The following MTERF1 variants were observed in gnomAD, a reference collection of about 807,000 sequenced individuals.
MTERF1 encodes the protein transcription termination factor 1, mitochondrial.
Under a neutral mutation model 31.6 loss-of-function variants are expected in MTERF1, and 29 were observed. The observed-to-expected ratio is 0.92, with a 90% CI of 0.68 to 1.25. The LOEUF is 1.25. MTERF1 is among the 50% of genes most tolerant of loss of function. The pLI, the probability that MTERF1 is intolerant of heterozygous loss-of-function variation, is 0.00. For missense variants in MTERF1, 500 were observed against 469.1 expected (o/e 1.07, Z -0.61); for synonymous variants, 152 against 164.1 (o/e 0.93, Z 0.57).
rs530927148 is a variant in MTERF1 at position 91,874,015 on chromosome 7, C to G, written c.779G>C (p.Arg260Pro). ...KRVKANIEFL[R>P]STFNLNSEEL... Reference sequence around the variant, plus strand: ...CTCACTGTTCAAATTGAAAGTTGACCGTAAGAATTCAATGTTAGCTTTCAC... The same window carrying G: ...CTCACTGTTCAAATTGAAAGTTGACGGTAAGAATTCAATGTTAGCTTTCAC... Residue 260 changes from arginine to proline, a missense_variant, in exon 3 of 3, where the codon CGG (arginine) becomes CCG (proline). By Grantham distance (103) the Arg-to-Pro change is moderately radical. Transcript: ENST00000351870. 1.2e-5 allele frequency: 20 copies of G among 1,613,838 alleles called. No individual in the cohort carries two copies. In the Admixed American group the frequency reaches 3.3e-4, roughly 27 times the overall value.
chr7:91,872,616 T>C lies in MTERF1; in HGVS notation c.*978A>G, dbSNP rs1362649789. The C allele has an allele frequency of 1.3e-5, 2 of 152,338 alleles. No individual in the cohort carries two copies. Among genetic ancestry groups the C allele is most frequent in the African/African-American group, 4.8e-5 (2 of 41,594 alleles). 9.4% of individuals were successfully genotyped at this position (152,338 alleles called of 1,614,324 possible). On this transcript the variant is annotated 3_prime_UTR_variant, in exon 3 of 3. Coordinates refer to ENST00000351870, the MANE Select transcript of MTERF1 (RefSeq NM_006980.5). ...GGAATAAGGTTTTTTGAAGTATCAC[T>C]GATAGCAAATGAGGTTTAAAAGGTT...
rs145815151 is a variant in MTERF1, at chr7:91,874,240, G to A, written c.554C>T (p.Ser185Leu). ...NLENNIKFLY[S>L]VGLTRKCLCR... ...AAGGCATTTACGGGTCAATCCAACTGAGTAGAGGAACTTTATATTATTCTC... is the reference window on the plus strand; with the variant it reads ...AAGGCATTTACGGGTCAATCCAACTAAGTAGAGGAACTTTATATTATTCTC... Residue 185 changes from serine (S) to leucine (L), a missense_variant, in exon 3 of 3, where the codon TCA becomes TTA. Ser to Leu is a moderately radical substitution (Grantham distance 145). Transcript: ENST00000351870. The A allele has an allele frequency of 6.8e-4, 1,098 of 1,613,970 alleles. 1 individual carries two copies. Among genetic ancestry groups the A allele is most frequent in the Non-Finnish European group, 8.8e-4 (1,038 of 1,180,034 alleles).
rs1276716995 is a variant in MTERF1 at position 91,871,090 on chromosome 7, T to C, written c.*2504A>G. 6.6e-6 allele frequency: 1 copy of C among 152,116 alleles called. No individual in the cohort carries two copies. The highest frequency in any genetic ancestry group is 1.5e-5 in the Non-Finnish European group (1 of 68,022). 9.4% of individuals were successfully genotyped at this position (152,116 alleles called of 1,614,324 possible). A position where few individuals can be genotyped will look rare whatever the true frequency, so the allele number is the denominator to read the frequency against. The stretch of plus-strand genomic sequence containing the variant: ...CATGGCTGGCCAATATTTCTATAAT[T>C]CTATCTTTAAAAAAAAAGAATTGAC... On this transcript the variant is annotated 3_prime_UTR_variant, in exon 3 of 3. Coordinates refer to ENST00000351870, the MANE Select transcript of MTERF1 (RefSeq NM_006980.5).
rs1053606760 is a variant in MTERF1, at chr7:91,872,189, G to A, written c.*1405C>T. On this transcript the variant is annotated 3_prime_UTR_variant, in exon 3 of 3. Transcript: ENST00000351870. ...ATTATAAGCAATGGAAGATAAAGTT[G>A]CACAACTCTATATATAAATTGAACT... is the stretch of plus-strand genomic sequence containing the variant. The A allele has an allele frequency of 1.3e-4, 20 of 152,132 alleles. No homozygotes were observed. The highest frequency in any genetic ancestry group is 5.9e-5 in the Non-Finnish European group (4 of 68,028). 9.4% of individuals were successfully genotyped at this position (152,132 alleles called of 1,614,324 possible). A position where few individuals can be genotyped will look rare whatever the true frequency, so the allele number is the denominator to read the frequency against.
chr7:91,874,743 G>C lies in MTERF1; in HGVS notation c.51C>G (p.Tyr17Ter). ...GQTSISKGLN[Y>*]LTIMAPGNLW... ...GGTTTCCTGGTGCCATAATGGTTAG[G>C]TAGTTCAAACCTTTTGAAATGCTGT... Residue 17 changes from tyrosine to a stop codon, truncating the protein, a stop_gained, in exon 3 of 3, where the codon TAC becomes TAG. Coordinates refer to ENST00000351870, the MANE Select transcript of MTERF1 (RefSeq NM_006980.5). LOFTEE classifies it high-confidence loss of function. The C allele has an allele frequency of 1.9e-6, 3 of 1,608,612 alleles. No homozygotes were observed. Among genetic ancestry groups the C allele is most frequent in the Non-Finnish European group, 2.5e-6 (3 of 1,177,764 alleles).
chr7:91,875,926 T>C (rs775501235), intron 2 of MTERF1, among the ~76,000 whole-genome samples: 3 of 152,192 alleles, frequency 2.0e-5, no homozygotes, highest in Non-Finnish European at 2.9e-5. Flanking sequence ...TGATATTAAA[T>C]CCACATGGCC....
rs530570909 is a variant in MTERF1, at chr7:91,874,130, C to G, written c.664G>C (p.Gly222Arg). Reference sequence around the variant, plus strand: ...GGATCATTGTGACCCAATGACAAACCGGCTGCCTGCAAAAATTCAACCATC... The same window carrying G: ...GGATCATTGTGACCCAATGACAAACGGGCTGCCTGCAAAAATTCAACCATC... ...KQMVEFLQAA[G>R]LSLGHNDPAD... is the part of the protein sequence containing the mutation. Residue 222 changes from glycine to arginine, a missense_variant, in exon 3 of 3, where the codon GGT (glycine) becomes CGT (arginine). By Grantham distance (125) the Gly-to-Arg change is moderately radical. Coordinates refer to ENST00000351870, the MANE Select transcript of MTERF1 (RefSeq NM_006980.5). 6.2e-7 allele frequency: 1 copy of G among 1,614,052 alleles called. No individual in the cohort carries two copies. Among genetic ancestry groups the G allele is most frequent in the East Asian group, 2.2e-5 (1 of 44,876 alleles).
At position 91,872,728 on chromosome 7, in the gene MTERF1, G is replaced by A. The variant is rs1789210613; in HGVS notation, c.*866C>T. ...AATTAAAATTAAGGTCATATAATTT[G>A]TCTCACGTCTTTCAGTTTATGTCAG... On this transcript the variant is annotated 3_prime_UTR_variant, in exon 3 of 3. Coordinates refer to ENST00000351870, the MANE Select transcript of MTERF1 (RefSeq NM_006980.5). The A allele has an allele frequency of 6.6e-6, 1 of 152,144 alleles. No individual in the cohort carries two copies. Among genetic ancestry groups the A allele is most frequent in the Non-Finnish European group, 1.5e-5 (1 of 68,018 alleles). The allele number at this position is 152,144 out of a possible 1,614,324, so 9.4% of individuals were successfully genotyped here.
intron 2 of MTERF1, among the ~76,000 whole-genome samples, chr7:91,877,633 C>T (rs970391294): frequency 6.6e-6 from 1 of 152,238 alleles, no homozygotes; most frequent in Non-Finnish European, 1.5e-5. Context: ...AACCTCGCTA[C>T]TCTTTGTAAT....
At position 91,873,893 on chromosome 7, in the gene MTERF1, A is replaced by G; in HGVS notation, c.901T>C (p.Phe301Leu). The G allele has an allele frequency of 1.2e-6, 2 of 1,614,038 alleles. No individual in the cohort carries two copies. Among genetic ancestry groups the G allele is most frequent in the Non-Finnish European group, 1.7e-6 (2 of 1,180,026 alleles). Residue 301 changes from phenylalanine (F) to leucine (L), a missense_variant, in exon 3 of 3, where the codon TTT becomes CTT. By Grantham distance (22) the Phe-to-Leu change is conservative. Coordinates refer to ENST00000351870, the MANE Select transcript of MTERF1 (RefSeq NM_006980.5). ...RSYANIKEKL[F>L]SLGCTEEEVQ... is the part of the protein sequence containing the mutation. ...TCTTCTTCAGTACATCCAAGAGAAA[A>G]CAGCTTCTCTTTGATGTTTGCGTAG...
At chr7:91,876,957 C>T in intron 2 of MTERF1, 2 of 985,190 alleles carry the variant, frequency 2.0e-6, no homozygotes, top group Non-Finnish European at 2.4e-6. Context: ...AATGCGTCAG[C>T]TGGAAATCAG....
At position 91,874,373 on chromosome 7, in the gene MTERF1, T is replaced by G. The variant is rs181549251; in HGVS notation, c.421A>C (p.Lys141Gln). ...ATCTTTCTCCACAGATCCCACCGTT[T>G]TGAAAGATTCTCGGGAGTACGTGTT... is the stretch of plus-strand genomic sequence containing the variant. ...AITRTPENLS[K>Q]RWDLWRKIVT... Residue 141 changes from lysine to glutamine, a missense_variant, in exon 3 of 3, where the codon AAA becomes CAA. Lys to Gln is a moderately conservative substitution (Grantham distance 53). Transcript: ENST00000351870. 2 of 1,614,088 alleles carry G rather than the reference T, an allele frequency of 1.2e-6. No individual in the cohort carries two copies. The highest frequency in any genetic ancestry group is 2.7e-5 in the African/African-American group (2 of 74,946).
Position 91,873,648 on chromosome 7 carries a change from A to G in MTERF1, c.1146T>C (p.Ser382=), listed in dbSNP as rs1379973756. The change falls in exon 3 of 3, where the codon TCT becomes TCC. Residue 382 remains serine (S), a synonymous_variant. Transcript: ENST00000351870. ...NLSTLNITLL[S]WSKKRYEAKL... ...TAGCTTCATATCTTTTTTTACTCCA[A>G]GATAGAAGAGTGATGTTTAAAGTAC... 2 of 1,612,500 alleles carry G rather than the reference A, an allele frequency of 1.2e-6. No homozygotes were observed. The highest frequency in any genetic ancestry group is 1.7e-5 in the Admixed American group (1 of 59,684).
intron 2 of MTERF1, among the ~76,000 whole-genome samples, chr7:91,878,731 A>C (rs559322283): frequency 6.6e-6 from 1 of 152,198 alleles, no homozygotes; most frequent in Non-Finnish European, 1.5e-5. Flanking sequence ...GCTGCTCAGA[A>C]GGCTGAGGTA....
Position 91,873,801 on chromosome 7 carries a change from T to C in MTERF1, c.993A>G (p.Lys331=). ...IFLAEKKFND[K]IDCLMEENIS... ...TGTTTTCTTCCATGAGGCAGTCTAT[T>C]TTATCATTAAACTTTTTCTCTGCCA... The change falls in exon 3 of 3, where the codon AAA becomes AAG. Residue 331 remains lysine, a synonymous_variant. Transcript: ENST00000351870. 3 of 1,614,164 alleles carry C rather than the reference T, an allele frequency of 1.9e-6. No individual in the cohort carries two copies. The highest frequency in any genetic ancestry group is 2.5e-6 in the Non-Finnish European group (3 of 1,180,024).
In MTERF1 at chr7:91,871,684, G is replaced by A. The variant is rs1157774283; in HGVS notation, c.*1910C>T. On this transcript the variant is annotated 3_prime_UTR_variant, in exon 3 of 3. Coordinates refer to ENST00000351870, the MANE Select transcript of MTERF1 (RefSeq NM_006980.5). ...CAGAAAACAGATTCATTTTTGCTTA[G>A]GCTTGGGGGAACAAATGGAGGGAAA... 6.6e-6 allele frequency: 1 copy of A among 152,170 alleles called. No homozygotes were observed. The highest frequency in any genetic ancestry group is 1.5e-5 in the Non-Finnish European group (1 of 68,042). The allele number at this position is 152,170 out of a possible 1,614,324, so 9.4% of individuals were successfully genotyped here.
intron 2 of MTERF1, 115 bp downstream of exon 2, chr7:91,879,940 G>A (rs1439275409): frequency 7.9e-7 from 1 of 1,272,502 alleles, no homozygotes. Context: ...CAACTGGCCT[G>A]TTAAAAAGGC....
chr7:91,875,889 A>G (rs1789334336), intron 2 of MTERF1, among the ~76,000 whole-genome samples: 1 of 152,062 alleles, frequency 6.6e-6, no homozygotes, highest in Non-Finnish European at 1.5e-5. Context: ...TTCCAAACCA[A>G]TTTTCATCTT....
intron 2 of MTERF1, among the ~76,000 whole-genome samples, chr7:91,878,411 A>G (rs2130323745): frequency 6.6e-6 from 1 of 152,386 alleles, no homozygotes; most frequent in South Asian, 2.1e-4. Context: ...ATTGACTGTT[A>G]ATGAACATAT....
Sources: gnomAD v4.1 joint callset for allele counts (sites outside exome capture counted in the v4.1 genomes callset) on GRCh38, gnomAD v4.1.1 for gene constraint, MANE v1.5 for transcripts, NCBI Gene and HGNC (gene_info 2026-07-23, HGNC 2026-07-21) for gene names.